The following ARFGEF3 variants were observed in gnomAD, a reference collection of about 807,000 sequenced individuals.
The protein encoded by ARFGEF3 is brefeldin A-inhibited guanine nucleotide-exchange protein 3.
Under a neutral mutation model 221.7 loss-of-function variants are expected in ARFGEF3, and 96 were observed. The observed-to-expected ratio is 0.43, with a 90% confidence interval of 0.37 to 0.51. The LOEUF (loss-of-function observed/expected upper bound fraction) is 0.51, where lower values mean the gene tolerates loss of function less well. ARFGEF3 is among the 20% of genes least tolerant of loss of function. The pLI is 0.00. For missense variants in ARFGEF3, 2,410 were observed against 2,789.9 expected, an observed-to-expected ratio of 0.86 and a Z score of 3.07; for synonymous variants, 1,145 against 1,126.8, an observed-to-expected ratio of 1.02 and a Z score of -0.32.
Position 138,336,498 on chromosome 6 carries a change from T to A in ARFGEF3, c.*12T>A, listed in dbSNP as rs372919400. ...ACATCATTGTGTAGCCGACTCCTGT[T>A]CTACTCTCCCACCAAATAACAGTAG... On this transcript the variant is annotated 3_prime_UTR_variant, in exon 34 of 34. Coordinates refer to ENST00000251691, the MANE Select transcript of ARFGEF3 (RefSeq NM_020340.5). The A allele has an allele frequency of 1.9e-6, 3 of 1,590,260 alleles. No homozygotes were observed. The African/African-American group carries it at 4.0e-5, about 21-fold the overall frequency.
chr6:138,279,020 CT>C (rs1047635391), intron 13 of ARFGEF3, among the ~76,000 whole-genome samples: 1 of 151,642 alleles, frequency 6.6e-6, no homozygotes, highest in Non-Finnish European at 1.5e-5. Flanking sequence ...TTGTGTTTTT[CT>C]TTTTTTTGAG....
At chr6:138,253,154 G>T (rs943737871) in intron 8 of ARFGEF3, among the ~76,000 whole-genome samples, 1 of 152,140 alleles carries the variant, frequency 6.6e-6, no homozygotes, top group Non-Finnish European at 1.5e-5. Flanking sequence ...TAGCATTTCT[G>T]CCATAAACTA....
chr6:138,289,815 C>T lies in ARFGEF3; in HGVS notation c.2897-3C>T, dbSNP rs1469020397. 6.2e-7 allele frequency: 1 copy of T among 1,612,918 alleles called. No homozygotes were observed. The highest frequency in any genetic ancestry group is 8.5e-7 in the Non-Finnish European group (1 of 1,179,420). On this transcript the variant is annotated splice_region_variant and splice_polypyrimidine_tract_variant and intron_variant, in intron 17 of 33. Coordinates refer to ENST00000251691, the MANE Select transcript of ARFGEF3 (RefSeq NM_020340.5). Reference sequence around the variant, plus strand: ...TATTTTAATAAATGTCTTTCTGGCACAGTGAAACTAAAAGTGGAGCAGAAA... The same window carrying T: ...TATTTTAATAAATGTCTTTCTGGCATAGTGAAACTAAAAGTGGAGCAGAAA...
In ARFGEF3 at chr6:138,261,637, A is replaced by G. The variant is rs150123774; in HGVS notation, c.1215A>G (p.Lys405=). Residue 405 remains lysine (K), a splice_region_variant and synonymous_variant, in exon 11 of 34, where the codon AAA becomes AAG. Transcript: ENST00000251691. The part of the protein sequence containing the change: ...SKRKSHLDLL[K]LIMDGMTEAC... ...GAAAGTCTCATCTGGATCTCCTCAA[A>G]CTGTATGATGTTTATCCTTTTAAGT... is the stretch of plus-strand genomic sequence containing the variant. The G allele has an allele frequency of 1.2e-5, 19 of 1,533,458 alleles. No individual in the cohort carries two copies. The African/African-American group carries it at 2.1e-4, about 17-fold the overall frequency. 95.0% of individuals were successfully genotyped at this position (1,533,458 alleles called of 1,614,324 possible).
intron 25 of ARFGEF3, 24 bp downstream of exon 25, chr6:138,311,534 T>A: frequency 6.5e-7 from 1 of 1,531,110 alleles, no homozygotes; most frequent in Non-Finnish European, 8.9e-7. Flanking sequence ...CCAGCTGGGC[T>A]CCCGGCCTGG....
rs187190999 is a variant in ARFGEF3 at position 138,207,827 on chromosome 6, T to C, written c.219+704T>C. ...ATAAACCATGGTGGCATTTGTCAGA[T>C]TTTTTTTATGTCAGTATCAACTGCT... On this transcript the variant is annotated intron_variant, in intron 3 of 33. Coordinates refer to ENST00000251691, the MANE Select transcript of ARFGEF3 (RefSeq NM_020340.5). 2.2e-4 allele frequency among the ~76,000 whole-genome samples: 33 copies of C among 152,174 alleles called. No homozygotes were observed. In the East Asian group the frequency reaches 6.2e-3, roughly 28 times the overall value.
At chr6:138,210,936 T>C (rs1441899085) in intron 4 of ARFGEF3, among the ~76,000 whole-genome samples, 1 of 152,250 alleles carries the variant, frequency 6.6e-6, no homozygotes, top group East Asian at 1.9e-4. Context: ...CTTGATGTCC[T>C]GGGCCTCACC....
chr6:138,335,403 G>A (rs1288623430), intron 33 of ARFGEF3, among the ~76,000 whole-genome samples: 1 of 152,078 alleles, frequency 6.6e-6, no homozygotes, highest in African/African-American at 2.4e-5. Flanking sequence ...TTACTCTCAG[G>A]TAATTTCAGG....
At chr6:138,313,745 G>C (rs1331443672) in intron 25 of ARFGEF3, 50 bp from the exon 26 acceptor site, 1 of 1,485,446 alleles carries the variant, frequency 6.7e-7, no homozygotes, top group Admixed American at 1.7e-5. Context: ...AACCCACAAT[G>C]CAGCTTTTTC....
Position 138,334,563 on chromosome 6 carries a change from A to G in ARFGEF3, c.5717A>G (p.Lys1906Arg), listed in dbSNP as rs909139884. The G allele has an allele frequency of 6.2e-7, 1 of 1,613,680 alleles. No individual in the cohort carries two copies. Among genetic ancestry groups the G allele is most frequent in the Non-Finnish European group, 8.5e-7 (1 of 1,179,872 alleles). ...DWVWLVKRLH[K>R]LCMELCNNYI... ...GTGTGGCTGGTCAAGAGGCTGCACA[A>G]GCTGTGCATGGAACTGTGCAACAAC... The change falls in exon 33 of 34, where the codon AAG (lysine) becomes AGG (arginine). Residue 1906 changes from lysine to arginine, a missense_variant. Lys to Arg is a conservative substitution (Grantham distance 26, BLOSUM62 2). This residue lies in a region of ARFGEF3 where 723 missense variants were observed against 991.9 expected (regional missense o/e 0.73). Coordinates refer to ENST00000251691, the MANE Select transcript of ARFGEF3 (RefSeq NM_020340.5). The surrounding 1 kb of genome is among the most constrained non-coding windows in gnomAD (Gnocchi z 5.1).
intron 17 of ARFGEF3, among the ~76,000 whole-genome samples, chr6:138,287,682 A>G (rs1488625298): frequency 1.3e-5 from 2 of 152,260 alleles, no homozygotes; most frequent in African/African-American, 4.8e-5. Context: ...TGATGAAATC[A>G]GTGAGTCGGT....
intron 4 of ARFGEF3, among the ~76,000 whole-genome samples, chr6:138,222,726 A>T (rs921264324): frequency 6.6e-5 from 10 of 152,316 alleles, no homozygotes; most frequent in African/African-American, 2.2e-4. Flanking sequence ...TTATTTTTTT[A>T]AAAAACTTCA....
chr6:138,221,683 G>A (rs568344267), intron 4 of ARFGEF3, among the ~76,000 whole-genome samples: 56 of 152,130 alleles, frequency 3.7e-4, no homozygotes, highest in African/African-American at 1.3e-3. Flanking sequence ...TATTTTTTCT[G>A]TGACTATCAC....
chr6:138,178,719 A>G (rs1172681985), intron 2 of ARFGEF3, among the ~76,000 whole-genome samples: 1 of 152,186 alleles, frequency 6.6e-6, no homozygotes, highest in Non-Finnish European at 1.5e-5. Context: ...CACATGTCCC[A>G]GAAAGCCACT....
At chr6:138,248,116 G>A (rs1364024041) in intron 8 of ARFGEF3, among the ~76,000 whole-genome samples, 1 of 152,230 alleles carries the variant, frequency 6.6e-6, no homozygotes, top group African/African-American at 2.4e-5. Context: ...ACAGATGGGA[G>A]CTAGAGTTGT....
intron 26 of ARFGEF3, 129 bp downstream of exon 26, chr6:138,314,068 A>G: frequency 1.0e-6 from 1 of 955,838 alleles, no homozygotes; most frequent in Non-Finnish European, 1.5e-6. Context: ...ATAAGAGAAT[A>G]CTTGAGAGTG....
intron 4 of ARFGEF3, chr6:138,218,288 T>C: frequency 1.3e-6 from 2 of 1,593,126 alleles, no homozygotes; most frequent in South Asian, 2.2e-5. Flanking sequence ...CTAGAATGCC[T>C]GGTAGCCTTG....
intron 4 of ARFGEF3, among the ~76,000 whole-genome samples, chr6:138,224,778 AAGTAGT>A (rs1416665372): frequency 6.6e-6 from 1 of 152,194 alleles, no homozygotes; most frequent in Non-Finnish European, 1.5e-5. Flanking sequence ...ATACAGATTT[AAGTAGT>A]GTATCTAAAC....
rs1168363860 is a variant in ARFGEF3 at position 138,286,034 on chromosome 6, T to C, written c.2550T>C (p.Ile850=). The part of the protein sequence containing the change: ...TESPFAQSRR[I]DDSTVAGVAF... Reference sequence around the variant, plus strand: ...CTCCTTTCGCCCAGAGCAGGAGAATTGATGACTCCACAGTGGCAGGTAATG... The same window carrying C: ...CTCCTTTCGCCCAGAGCAGGAGAATCGATGACTCCACAGTGGCAGGTAATG... Residue 850 remains isoleucine (I), a synonymous_variant, in exon 15 of 34, where the codon ATT becomes ATC. Coordinates refer to ENST00000251691, the MANE Select transcript of ARFGEF3 (RefSeq NM_020340.5). 1 of 1,604,568 alleles carries C rather than the reference T, an allele frequency of 6.2e-7. No individual in the cohort carries two copies. Among genetic ancestry groups the C allele is most frequent in the Non-Finnish European group, 8.5e-7 (1 of 1,177,246 alleles).
Sources: allele counts gnomAD v4.1 joint callset (sites outside exome capture counted in the v4.1 genomes callset), GRCh38; gene constraint gnomAD v4.1.1; regional missense constraint gnomAD v4.1.1; non-coding constraint Gnocchi (gnomAD v3.1); transcripts MANE v1.5; gene names NCBI Gene and HGNC (gene_info 2026-07-23, HGNC 2026-07-21).